CWF19L1: variants seen among roughly 807,000 people sequenced by gnomAD.
CWF19L1 encodes CWF19 like cell cycle control factor 1.
In CWF19L1, 60 loss-of-function variants were observed where a neutral mutation model predicts 69.7. That is an observed-to-expected ratio of 0.86 (90% CI 0.70 to 1.07). CWF19L1 has a LOEUF of 1.07. Among genes scored for constraint, CWF19L1 ranks in the 50% least tolerant of loss-of-function variants. The pLI is 0.00. For synonymous variants in CWF19L1, 209 were observed against 222.2 expected (o/e 0.94, Z 0.53); for missense variants, 591 against 638.9 (o/e 0.92, Z 0.81).
intron 7 of CWF19L1, 63 bp downstream of exon 7, chr10:100,250,185 A>T (rs147213965): frequency 9.0e-7 from 1 of 1,107,476 alleles, no homozygotes; most frequent in African/African-American, 1.5e-5. Context: ...TAAACTGGAC[A>T]AGAGATACAT....
In CWF19L1 at chr10:100,253,397, CAAG is replaced by C. The variant is rs776942535; in HGVS notation, c.623+21_623+23del. ...ATCCATGGCAAATTCTTCAAAAAGC[CAAG>C]AAGAATGAAATGCTACTCACCGATA... On this transcript the variant is annotated intron_variant, in intron 6 of 13. Transcript: ENST00000354105. 7 of 1,365,876 alleles carry C rather than the reference CAAG, an allele frequency of 5.1e-6. No homozygotes were observed. The East Asian group carries it at 1.1e-4, about 22-fold the overall frequency. The allele number at this position is 1,365,876 out of a possible 1,614,324, so 84.6% of individuals were successfully genotyped here.
chr10:100,240,383 T>C (rs139732001), intron 10 of CWF19L1, among the ~76,000 whole-genome samples: 163 of 152,188 alleles, frequency 1.1e-3, no homozygotes, highest in African/African-American at 3.7e-3. Flanking sequence ...AAAAGAATAA[T>C]TGCAGGGAGG....
intron 13 of CWF19L1, among the ~76,000 whole-genome samples, chr10:100,235,134 T>C (rs576678915): frequency 2.6e-5 from 4 of 152,374 alleles, no homozygotes; most frequent in South Asian, 2.1e-4. Context: ...CACAACTGTA[T>C]TGGACAGTGC....
intron 4 of CWF19L1, among the ~76,000 whole-genome samples, chr10:100,257,506 GC>G (rs1847255280): frequency 6.6e-6 from 1 of 151,540 alleles, no homozygotes; most frequent in Non-Finnish European, 1.5e-5. Context: ...CATCATGTTG[GC>G]CAGGATGGTC....
chr10:100,243,319 T>C (rs566048725), intron 10 of CWF19L1, among the ~76,000 whole-genome samples: 1 of 152,286 alleles, frequency 6.6e-6, no homozygotes, highest in African/African-American at 2.4e-5. Context: ...TACTGATACA[T>C]GCTGCAACAT....
intron 6 of CWF19L1, among the ~76,000 whole-genome samples, chr10:100,251,790 C>T (rs142542648): frequency 0.09 from 13,736 of 152,138 alleles, 915 homozygotes; most frequent in Non-Finnish European, 0.14. Context: ...GGATTACAGG[C>T]GTGAGCCACC....
intron 1 of CWF19L1, among the ~76,000 whole-genome samples, chr10:100,266,337 C>A (rs1443302937): frequency 7.0e-6 from 1 of 142,870 alleles, no homozygotes; most frequent in Non-Finnish European, 1.5e-5. Context: ...GACCACCACG[C>A]CCGGCTAATT....
rs979598573 is a variant in CWF19L1 at position 100,232,476 on chromosome 10, G to T, written c.*751C>A. On this transcript the variant is annotated 3_prime_UTR_variant, in exon 14 of 14. Coordinates refer to ENST00000354105, the MANE Select transcript of CWF19L1 (RefSeq NM_018294.6). ...CACCCAGGCTGGAGTGCAATGGAGCGATCTTGGCTCACTGCAACCTCCACC... is the reference window on the plus strand; with the variant it reads ...CACCCAGGCTGGAGTGCAATGGAGCTATCTTGGCTCACTGCAACCTCCACC... The T allele has an allele frequency of 1.3e-5, 2 of 152,360 alleles. No homozygotes were observed. The highest frequency in any genetic ancestry group is 4.8e-5 in the African/African-American group (2 of 41,456). 9.4% of individuals were successfully genotyped at this position (152,360 alleles called of 1,614,324 possible).
At chr10:100,261,437 C>G (rs1014831109) in intron 2 of CWF19L1, among the ~76,000 whole-genome samples, 6 of 152,204 alleles carry the variant, frequency 3.9e-5, no homozygotes, top group Non-Finnish European at 8.8e-5. Context: ...AACAAAAAAA[C>G]TTAAAATATT....
At position 100,260,223 on chromosome 10, in the gene CWF19L1, T is replaced by G. The variant is rs770994054; in HGVS notation, c.284A>C (p.Tyr95Ser). The G allele has an allele frequency of 6.3e-7, 1 of 1,590,622 alleles. No individual in the cohort carries two copies. Among genetic ancestry groups the G allele is most frequent in the Non-Finnish European group, 8.6e-7 (1 of 1,163,130 alleles). Residue 95 changes from tyrosine to serine, a missense_variant, in exon 4 of 14, where the codon TAT becomes TCT. Transcript: ENST00000354105. The stretch of plus-strand genomic sequence containing the variant: ...TACAACAAGTATCAGCTTACCCAGA[T>G]AAGTAATGTTTTCAGCTAATTCACA... ...DGCELAENIT[Y>S]LGRKGIFTGS...
intron 10 of CWF19L1, among the ~76,000 whole-genome samples, chr10:100,240,087 G>A (rs1399020804): frequency 1.3e-5 from 2 of 152,200 alleles, no homozygotes; most frequent in African/African-American, 2.4e-5. Flanking sequence ...TTTGTGAATA[G>A]TTTCACGCTT....
intron 12 of CWF19L1, among the ~76,000 whole-genome samples, chr10:100,236,502 G>A (rs915974576): frequency 6.6e-5 from 10 of 152,256 alleles, no homozygotes; most frequent in South Asian, 4.1e-4. Context: ...CTTGCCAGGC[G>A]TGGGTGGCTC....
chr10:100,263,525 C>G (rs956121746), intron 1 of CWF19L1, among the ~76,000 whole-genome samples: 3 of 152,190 alleles, frequency 2.0e-5, no homozygotes, highest in Non-Finnish European at 4.4e-5. Flanking sequence ...CTCTAGGAAG[C>G]CTTCTAGTAC....
At chr10:100,265,099 C>T (rs528465147) in intron 1 of CWF19L1, among the ~76,000 whole-genome samples, 5 of 145,462 alleles carry the variant, frequency 3.4e-5, no homozygotes, top group East Asian at 2.0e-4. Flanking sequence ...CCAGCCTGGG[C>T]GACAGTGAGA....
intron 1 of CWF19L1, among the ~76,000 whole-genome samples, chr10:100,265,131 A>T (rs1414822278): frequency 6.6e-6 from 1 of 152,006 alleles, no homozygotes; most frequent in South Asian, 2.1e-4. Context: ...AAAAAAAAAA[A>T]AGTTTAAAAG....
rs200696401 is a variant in CWF19L1, at chr10:100,246,852, G to A, written c.792C>T (p.Asn264=). Residue 264 remains asparagine, a synonymous_variant, in exon 8 of 14, where the codon AAC becomes AAT. Transcript: ENST00000354105. ...LVKQPPDVTE[N]PYRKSGQEAS... is the part of the protein sequence containing the mutation. The stretch of plus-strand genomic sequence containing the variant: ...CTTCCTGCCCAGATTTTCTGTAAGG[G>A]TTTTCAGTGACATCCGGAGGCTGTT... 549 of 1,614,002 alleles carry A rather than the reference G, an allele frequency of 3.4e-4. 1 individual carries two copies. The highest frequency in any genetic ancestry group is 4.4e-4 in the Non-Finnish European group (523 of 1,179,998).
intron 10 of CWF19L1, among the ~76,000 whole-genome samples, chr10:100,239,273 G>A (rs1449072971): frequency 6.6e-6 from 1 of 152,186 alleles, no homozygotes; most frequent in East Asian, 1.9e-4. Flanking sequence ...GATATTCTCT[G>A]ATGGGAAGAT....
At chr10:100,267,453 C>A in intron 1 of CWF19L1, 118 bp downstream of exon 1, 1 of 1,596,574 alleles carries the variant, frequency 6.3e-7, no homozygotes, top group Non-Finnish European at 8.5e-7. Context: ...CCCAGCAGCC[C>A]CGTGTCTCTC....
intron 1 of CWF19L1, 21 bp from the exon 2 acceptor site, chr10:100,262,084 A>G (rs1008300575): frequency 2.5e-6 from 4 of 1,598,320 alleles, no homozygotes; most frequent in Non-Finnish European, 8.5e-7. Context: ...AGAGATAAAC[A>G]TTATAGCAAT....
Sources: allele counts gnomAD v4.1 joint callset (sites outside exome capture counted in the v4.1 genomes callset), GRCh38; gene constraint gnomAD v4.1.1; transcripts MANE v1.5; gene names NCBI Gene and HGNC (gene_info 2026-07-23, HGNC 2026-07-21).